Variants in SRCIN1 observed in about 807,000 individuals in gnomAD.
The protein encoded by SRCIN1 is P130Cas-associated protein.
A neutral mutation model predicts 116.2 loss-of-function variants in SRCIN1; 50 were observed. The observed-to-expected ratio is 0.43, with a 90% CI of 0.34 to 0.54. The LOEUF is 0.54. SRCIN1 is among the 20% of genes least tolerant of loss of function. SRCIN1 has a pLI of 0.02. For synonymous variants in SRCIN1, 736 were observed against 750.0 expected (o/e 0.98, Z 0.30); for missense variants, 1,446 against 1,672.0 (o/e 0.86, Z 2.36).
At position 38,559,574 on chromosome 17, in the gene SRCIN1, C is replaced by T. The variant is rs780901553; in HGVS notation, c.2025+11G>A. 1.3e-6 allele frequency: 2 copies of T among 1,596,094 alleles called. No homozygotes were observed. The highest frequency in any genetic ancestry group is 2.7e-5 in the African/African-American group (2 of 74,668). On this transcript the variant is annotated intron_variant, in intron 10 of 18. Coordinates refer to ENST00000617146, the MANE Select transcript of SRCIN1 (RefSeq NM_025248.3). The stretch of plus-strand genomic sequence containing the variant: ...GGCGTTGGTGGGGCGGGGCCCAGGA[C>T]GGGGCGGTACCTGGAGCTTGCGCAA...
rs1439219778 is a variant in SRCIN1 at position 38,563,720 on chromosome 17, G to C, written c.542-199C>G. 1.3e-6 allele frequency: 1 copy of C among 754,274 alleles called. No individual in the cohort carries two copies. The highest frequency in any genetic ancestry group is 2.3e-6 in the Non-Finnish European group (1 of 438,854). The allele number at this position is 754,274 out of a possible 1,614,324, so 46.7% of individuals were successfully genotyped here. ...CCAGGCCGGCTCTCCAGCCTCTCAA[G>C]GCACCCACTGGACTCCAGGCAGTTG... On this transcript the variant is annotated intron_variant, in intron 4 of 18. Coordinates refer to ENST00000617146, the MANE Select transcript of SRCIN1 (RefSeq NM_025248.3). The surrounding 1 kb of genome is among the most constrained non-coding windows in gnomAD (Gnocchi z 5.8).
chr17:38,563,181 G>A lies in SRCIN1; in HGVS notation c.740+142C>T. On this transcript the variant is annotated intron_variant, in intron 5 of 18. Coordinates refer to ENST00000617146, the MANE Select transcript of SRCIN1 (RefSeq NM_025248.3). This position sits in a 1 kb window ranked among gnomAD's most constrained non-coding sequence, Gnocchi z 5.8. ...GGGGCTGAGATGGCCGAGGAAGGGG[G>A]CGGGGCGGTAGGGCTCTGGGAGGGG... The A allele has an allele frequency of 1.1e-6, 1 of 931,446 alleles. No individual in the cohort carries two copies. The highest frequency in any genetic ancestry group is 1.7e-5 in the African/African-American group (1 of 60,140). 57.7% of individuals were successfully genotyped at this position (931,446 alleles called of 1,614,324 possible).
chr17:38,595,778 A>G (rs1908697008), intron 1 of SRCIN1, among the ~76,000 whole-genome samples: 2 of 152,166 alleles, frequency 1.3e-5, no homozygotes, highest in Non-Finnish European at 1.5e-5. Flanking sequence ...CCTAGCTTAC[A>G]TGGCGGCTTT....
At position 38,562,951 on chromosome 17, in the gene SRCIN1, C is replaced by T. The variant is rs746371513; in HGVS notation, c.741-31G>A. 3 of 1,550,976 alleles carry T rather than the reference C, an allele frequency of 1.9e-6. No individual in the cohort carries two copies. The East Asian group carries it at 6.8e-5, about 35-fold the overall frequency. ...AGAGGCGGGGAGACGGGGGTCACCACCCATCCCCCAGCTGTGCACAATGAG... is the reference window on the plus strand; with the variant it reads ...AGAGGCGGGGAGACGGGGGTCACCATCCATCCCCCAGCTGTGCACAATGAG... On this transcript the variant is annotated intron_variant, in intron 5 of 18. Transcript: ENST00000617146. This position sits in a 1 kb window ranked among gnomAD's most constrained non-coding sequence, Gnocchi z 4.2.
At position 38,568,168 on chromosome 17, in the gene SRCIN1, A is replaced by AC; in HGVS notation, c.345+42_345+43insG. The AC allele has an allele frequency of 6.2e-7, 1 of 1,609,624 alleles. No individual in the cohort carries two copies. Among genetic ancestry groups the AC allele is most frequent in the Non-Finnish European group, 8.5e-7 (1 of 1,177,184 alleles). On this transcript the variant is annotated intron_variant, in intron 3 of 18. Transcript: ENST00000617146. The surrounding 1 kb of genome is among the most constrained non-coding windows in gnomAD (Gnocchi z 4.5). ...GGAGAGGCAGGGGCAGGGGAGGGAGAGCACATGCAGTTGTCATGGGAGCAG... is the reference window on the plus strand; with the variant it reads ...GGAGAGGCAGGGGCAGGGGAGGGAGACGCACATGCAGTTGTCATGGGAGCAG...
chr17:38,598,770 G>C (rs1567886826), intron 1 of SRCIN1, among the ~76,000 whole-genome samples: 1 of 152,246 alleles, frequency 6.6e-6, no homozygotes, highest in African/African-American at 2.4e-5. Context: ...CCACCAGCTT[G>C]AAGTGCCTTG....
In SRCIN1 at chr17:38,563,622, G is replaced by A; in HGVS notation, c.542-101C>T. The A allele has an allele frequency of 6.8e-7, 1 of 1,467,852 alleles. No individual in the cohort carries two copies. Among genetic ancestry groups the A allele is most frequent in the African/African-American group, 1.4e-5 (1 of 71,878 alleles). 90.9% of individuals were successfully genotyped at this position (1,467,852 alleles called of 1,614,324 possible). A position where few individuals can be genotyped will look rare whatever the true frequency, so the allele number is the denominator to read the frequency against. On this transcript the variant is annotated intron_variant, in intron 4 of 18. Coordinates refer to ENST00000617146, the MANE Select transcript of SRCIN1 (RefSeq NM_025248.3). The surrounding 1 kb of genome is among the most constrained non-coding windows in gnomAD (Gnocchi z 5.8). ...TCGGAGCTGCGCCAGCCCCGCAGCG[G>A]CAGGGTCTGAGGCTAGACGCCGCCC...
At position 38,585,775 on chromosome 17, in the gene SRCIN1, C is replaced by T. The variant is rs62077538; in HGVS notation, c.23-6984G>A. Among the ~76,000 whole-genome samples, 7,598 of 152,296 alleles carry T rather than the reference C, an allele frequency of 0.05. 208 individuals are homozygous for T. Among genetic ancestry groups the T allele is most frequent in the Middle Eastern group, 0.082 (24 of 294 alleles). ...GTAATATCCCCCCAAATTGCTAATA[C>T]CCAGCGCCCTGTTGAGTCTCCCTGT... On this transcript the variant is annotated intron_variant, in intron 1 of 18. Coordinates refer to ENST00000617146, the MANE Select transcript of SRCIN1 (RefSeq NM_025248.3). The surrounding 1 kb of genome is among the most constrained non-coding windows in gnomAD (Gnocchi z 4.2).
chr17:38,539,841 T>C (rs2144891212), intron 18 of SRCIN1, among the ~76,000 whole-genome samples: 1 of 151,816 alleles, frequency 6.6e-6, no homozygotes, highest in African/African-American at 2.4e-5. Context: ...GTCAACATGG[T>C]GAAACCCCAC....
Position 38,564,274 on chromosome 17 carries a change from G to T in SRCIN1, c.385C>A (p.Leu129Met). 1 of 1,571,968 alleles carries T rather than the reference G, an allele frequency of 6.4e-7. No homozygotes were observed. ...SRHTQGAQPG[L>M]ADQAAKLSYA... ...GACAGCTTTGCCGCCTGGTCTGCCA[G>T]CCCGGGCTGGGCTCCCTGAGTGTGG... Residue 129 changes from leucine (L) to methionine (M), a missense_variant, in exon 4 of 19, where the codon CTG becomes ATG. Coordinates refer to ENST00000617146, the MANE Select transcript of SRCIN1 (RefSeq NM_025248.3).
At chr17:38,553,788 T>C (rs1481670257) in intron 11 of SRCIN1, among the ~76,000 whole-genome samples, 3 of 152,136 alleles carry the variant, frequency 2.0e-5, no homozygotes, top group Admixed American at 6.5e-5. Flanking sequence ...AAGGTGGTAG[T>C]TGAAAACTTG....
intron 18 of SRCIN1, among the ~76,000 whole-genome samples, chr17:38,538,416 C>CAAAAA (rs536827040): frequency 1.4e-4 from 14 of 100,536 alleles, no homozygotes; most frequent in African/African-American, 4.8e-4. Context: ...GACTCCGTCT[C>CAAAAA]AAAAAAAAAA....
intron 11 of SRCIN1, among the ~76,000 whole-genome samples, chr17:38,553,528 C>T (rs1300124316): frequency 6.6e-6 from 1 of 152,132 alleles, no homozygotes. Flanking sequence ...GGGGAGGTCT[C>T]TTGTCTCGGG....
chr17:38,605,067 G>A (rs1909285302), intron 1 of SRCIN1, among the ~76,000 whole-genome samples: 1 of 151,988 alleles, frequency 6.6e-6, no homozygotes. Context: ...TCGAGGTGCG[G>A]GGAGGGGGGG....
chr17:38,578,641 G>C lies in SRCIN1; in HGVS notation c.173C>G (p.Thr58Arg). ...GLVHTSERRH[T>R]VIAAQSLEAL... The stretch of plus-strand genomic sequence containing the variant: ...CTCCAGACTCTGGGCCGCGATCACC[G>C]TGTGCCGCCGCTCGGACGTGTGCAC... Residue 58 changes from threonine (T) to arginine (R), a missense_variant, in exon 2 of 19, where the codon ACG (threonine) becomes AGG (arginine). Coordinates refer to ENST00000617146, the MANE Select transcript of SRCIN1 (RefSeq NM_025248.3). The C allele has an allele frequency of 3.1e-6, 5 of 1,597,214 alleles. No homozygotes were observed. Among genetic ancestry groups the C allele is most frequent in the Non-Finnish European group, 4.3e-6 (5 of 1,173,292 alleles).
rs1287596333 is a variant in SRCIN1 at position 38,585,826 on chromosome 17, AG to A, written c.23-7036del. Among the ~76,000 whole-genome samples, 39 of 152,226 alleles carry A rather than the reference AG, an allele frequency of 2.6e-4. 2 individuals carry two copies. The East Asian group carries it at 6.8e-3, about 26-fold the overall frequency. On this transcript the variant is annotated intron_variant, in intron 1 of 18. Coordinates refer to ENST00000617146, the MANE Select transcript of SRCIN1 (RefSeq NM_025248.3). The surrounding 1 kb of genome is among the most constrained non-coding windows in gnomAD (Gnocchi z 4.2). ...CACTCCAACTAAAGCCTCGGAGATG[AG>A]GGCGTGTGATGGGGGAAGGGCGATG...
Position 38,548,585 on chromosome 17 carries a change from T to C in SRCIN1, c.3242A>G (p.Asp1081Gly), listed in dbSNP as rs1905202232. Residue 1081 changes from aspartate to glycine, a missense_variant, in exon 17 of 19, where the codon GAC (aspartate) becomes GGC (glycine). Physicochemically the swap from Asp to Gly is moderately conservative, Grantham distance 94. This residue lies in a region of SRCIN1 where 531 missense variants were observed against 633.9 expected (regional missense o/e 0.84). Coordinates refer to ENST00000617146, the MANE Select transcript of SRCIN1 (RefSeq NM_025248.3). ...IMASAIKDEDDEDRIIAELES... is the reference protein window; with the variant it reads ...IMASAIKDEDGEDRIIAELES... Reference sequence around the variant, plus strand: ...TAGCTCTGCGATGATGCGATCCTCGTCATCCTCGTCCTTGATGGCCGAGGC... The same window carrying C: ...TAGCTCTGCGATGATGCGATCCTCGCCATCCTCGTCCTTGATGGCCGAGGC... The C allele has an allele frequency of 1.9e-6, 3 of 1,612,622 alleles. No homozygotes were observed. Among genetic ancestry groups the C allele is most frequent in the Non-Finnish European group, 2.5e-6 (3 of 1,179,800 alleles).
At chr17:38,559,502 TA>T in intron 10 of SRCIN1, 82 bp downstream of exon 10, 1 of 1,412,776 alleles carries the variant, frequency 7.1e-7, no homozygotes, top group East Asian at 2.4e-5. Context: ...GATGAGGTAG[TA>T]GGGGATGGGG....
chr17:38,564,614 C>T (rs1464314629), intron 3 of SRCIN1, among the ~76,000 whole-genome samples: 2 of 152,096 alleles, frequency 1.3e-5, no homozygotes, highest in African/African-American at 4.8e-5. Flanking sequence ...CTATTTCAGG[C>T]TTCCGAAGAA....
Sources: gnomAD v4.1 joint callset for allele counts (sites outside exome capture counted in the v4.1 genomes callset) on GRCh38, gnomAD v4.1.1 for gene constraint, gnomAD v4.1.1 regional missense constraint, Gnocchi (gnomAD v3.1) non-coding constraint, MANE v1.5 for transcripts, NCBI Gene and HGNC (gene_info 2026-07-23, HGNC 2026-07-21) for gene names.